EPS15L1: variants seen among roughly 807,000 people sequenced by gnomAD.
EPS15L1 encodes the protein epidermal growth factor receptor pathway substrate 15 like 1.
EPS15L1 carries 43 observed loss-of-function variants against 117.1 expected under a neutral mutation model. The observed-to-expected ratio is 0.37, with a 90% CI of 0.29 to 0.47. The LOEUF (loss-of-function observed/expected upper bound fraction) is 0.47, where lower values mean the gene tolerates loss of function less well. Among genes scored for constraint, EPS15L1 ranks in the 20% least tolerant of loss-of-function variants. EPS15L1 has a pLI of 0.99. For missense variants in EPS15L1, 981 were observed against 1,164.0 expected (o/e 0.84, Z 2.29); for synonymous variants, 459 against 470.5 (o/e 0.98, Z 0.32).
chr19:16,430,063 A>C (rs1244003703), intron 7 of EPS15L1, among the ~76,000 whole-genome samples: 1 of 152,186 alleles, frequency 6.6e-6, no homozygotes, highest in East Asian at 1.9e-4. Context: ...CTGTGGCCCT[A>C]ACTGGCATGC....
At chr19:16,443,029 C>G (rs751896412) in intron 1 of EPS15L1, among the ~76,000 whole-genome samples, 7 of 152,182 alleles carry the variant, frequency 4.6e-5, no homozygotes, top group Non-Finnish European at 1.0e-4. Context: ...GTGTGCCAAC[C>G]TGGTGGGGAA....
At chr19:16,422,521 A>G (rs1240947153) in intron 9 of EPS15L1, among the ~76,000 whole-genome samples, 1 of 152,158 alleles carries the variant, frequency 6.6e-6, no homozygotes, top group East Asian at 1.9e-4. Flanking sequence ...GTGGAGAGAA[A>G]AAGGACAGGC....
chr19:16,390,092 A>T (rs914032953), intron 19 of EPS15L1, among the ~76,000 whole-genome samples: 9 of 148,566 alleles, frequency 6.1e-5, no homozygotes, highest in East Asian at 2.0e-4. Context: ...ACTGGATTTT[A>T]AAAAAAAAAG....
chr19:16,405,762 T>G lies in EPS15L1; in HGVS notation c.1267-1013A>C, dbSNP rs1235562242. ...TTTCTGGAAGGCCCCCTCCAGGAGC[T>G]CATGAACAGCACCTCCGGGGATGGG... On this transcript the variant is annotated intron_variant, in intron 13 of 23. Transcript: ENST00000455140. The surrounding 1 kb of genome is among the most constrained non-coding windows in gnomAD (Gnocchi z 4.0). Among the ~76,000 whole-genome samples, 1 of 152,182 alleles carries G rather than the reference T, an allele frequency of 6.6e-6. No homozygotes were observed. Among genetic ancestry groups the G allele is most frequent in the East Asian group, 1.9e-4 (1 of 5,186 alleles).
intron 22 of EPS15L1, among the ~76,000 whole-genome samples, chr19:16,366,763 C>T (rs2092138873): frequency 6.6e-6 from 1 of 152,200 alleles, no homozygotes; most frequent in African/African-American, 2.4e-5. Context: ...TTGCTAATGA[C>T]CAGACGCTTT....
In EPS15L1 at chr19:16,434,763, T is replaced by C. The variant is rs945372129; in HGVS notation, c.373-273A>G. On this transcript the variant is annotated intron_variant, in intron 6 of 23. Transcript: ENST00000455140. ...GGGTCTTGTCCTTCGTCCTAGCTGC[T>C]GCCTGAGTGTGGCAGGAGTCTCCCA... 5 of 323,770 alleles carry C rather than the reference T, an allele frequency of 1.5e-5. No individual in the cohort carries two copies. The Admixed American group carries it at 2.3e-4, about 15-fold the overall frequency. 20.1% of individuals were successfully genotyped at this position (323,770 alleles called of 1,614,324 possible).
At position 16,365,144 on chromosome 19, in the gene EPS15L1, G is replaced by A. The variant is rs2092115834; in HGVS notation, c.2381-3160C>T. ...TGGCAGCCCCTTCCCCATCATGCCT[G>A]TGTTCAGCTCTGCAGCCAAGCCCTG... is the stretch of plus-strand genomic sequence containing the variant. On this transcript the variant is annotated intron_variant, in intron 22 of 23. Coordinates refer to ENST00000455140, the MANE Select transcript of EPS15L1 (RefSeq NM_001258374.3). The surrounding 1 kb of genome is among the most constrained non-coding windows in gnomAD (Gnocchi z 4.9). Among the ~76,000 whole-genome samples the A allele has an allele frequency of 6.6e-6, 1 of 152,218 alleles. No individual in the cohort carries two copies. Among genetic ancestry groups the A allele is most frequent in the Non-Finnish European group, 1.5e-5 (1 of 68,046 alleles).
chr19:16,437,941 G>C, intron 4 of EPS15L1, 76 bp from the exon 5 acceptor site: 1 of 1,128,098 alleles, frequency 8.9e-7, no homozygotes, highest in African/African-American at 1.5e-5. Flanking sequence ...CTAACAGCAG[G>C]CTTCAGGGAA....
Position 16,452,233 on chromosome 19 carries a change from G to T in EPS15L1, c.34-10014C>A, listed in dbSNP as rs1289062639. Among the ~76,000 whole-genome samples the T allele has an allele frequency of 2.0e-5, 3 of 151,646 alleles. No individual in the cohort carries two copies. The East Asian group carries it at 5.9e-4, about 30-fold the overall frequency. ...GGCTGAGGTGGGTAGATCACCTGAG[G>T]TCAGGAGTTCTAAACCAGCCTGGCC... is the stretch of plus-strand genomic sequence containing the variant. On this transcript the variant is annotated intron_variant, in intron 1 of 23. Coordinates refer to ENST00000455140, the MANE Select transcript of EPS15L1 (RefSeq NM_001258374.3).
At chr19:16,465,221 C>T (rs982228313) in intron 1 of EPS15L1, among the ~76,000 whole-genome samples, 3 of 152,192 alleles carry the variant, frequency 2.0e-5, no homozygotes, top group Non-Finnish European at 2.9e-5. Context: ...CACGCCCTCT[C>T]CTCCATACAA....
intron 3 of EPS15L1, chr19:16,441,469 CA>C (rs200223983): frequency 1.3e-3 from 209 of 157,892 alleles, no homozygotes; most frequent in South Asian, 4.3e-3. Context: ...GAGACTGTCT[CA>C]AAAAAAAAAT....
chr19:16,375,450 T>C lies in EPS15L1; in HGVS notation c.2380+1672A>G, dbSNP rs148679556. On this transcript the variant is annotated intron_variant, in intron 22 of 23. Transcript: ENST00000455140. ...CATGTGTGCCAGCTGTGTGCATGCATTGTGATTATGCATATATGTGTGTGT... is the reference window on the plus strand; with the variant it reads ...CATGTGTGCCAGCTGTGTGCATGCACTGTGATTATGCATATATGTGTGTGT... 2.5e-4 allele frequency among the ~76,000 whole-genome samples: 36 copies of C among 146,340 alleles called. No homozygotes were observed. In the East Asian group the frequency reaches 3.6e-3, roughly 15 times the overall value.
intron 1 of EPS15L1, among the ~76,000 whole-genome samples, chr19:16,463,586 A>T (rs1390709475): frequency 6.6e-6 from 1 of 151,696 alleles, no homozygotes; most frequent in Non-Finnish European, 1.5e-5. Context: ...GGCCCATGCT[A>T]CTCTTCCCTC....
intron 1 of EPS15L1, 46 bp from the exon 2 acceptor site, chr19:16,442,265 T>G: frequency 6.4e-7 from 1 of 1,569,962 alleles, no homozygotes; most frequent in East Asian, 2.2e-5. Flanking sequence ...ACACAACCCC[T>G]TGGGGAAAAA....
intron 15 of EPS15L1, 104 bp downstream of exon 15, chr19:16,403,629 C>T (rs1373499880): frequency 1.4e-5 from 16 of 1,109,714 alleles, no homozygotes; most frequent in Middle Eastern, 2.6e-4. Context: ...GAGACCCTCA[C>T]GTAAGTAACA....
rs1459277177 is a variant in EPS15L1 at position 16,402,301 on chromosome 19, TAC to T, written c.1791+18_1791+19del. The stretch of plus-strand genomic sequence containing the variant: ...AGGGGACCAGAGCCCCATACTGTAA[TAC>T]GTTTATTCAACCTTTACCATGGCTC... On this transcript the variant is annotated intron_variant, in intron 16 of 23. Transcript: ENST00000455140. 6.3e-7 allele frequency: 1 copy of T among 1,596,980 alleles called. No individual in the cohort carries two copies. The highest frequency in any genetic ancestry group is 1.3e-5 in the African/African-American group (1 of 74,374).
At chr19:16,360,157 AT>A in intron 23 of EPS15L1, among the ~76,000 whole-genome samples, 1 of 151,636 alleles carries the variant, frequency 6.6e-6, no homozygotes, top group Non-Finnish European at 1.5e-5. Flanking sequence ...GAGAACAGTC[AT>A]TTCTTCAAGC....
intron 1 of EPS15L1, among the ~76,000 whole-genome samples, chr19:16,455,571 T>C (rs1182179675): frequency 6.6e-6 from 1 of 152,232 alleles, no homozygotes; most frequent in Non-Finnish European, 1.5e-5. Context: ...CTATGGGCTG[T>C]GTTCTCCCAT....
At chr19:16,428,610 G>T (rs892250091) in intron 8 of EPS15L1, 92 bp downstream of exon 8, 20 of 828,360 alleles carry the variant, frequency 2.4e-5, no homozygotes, top group Non-Finnish European at 3.6e-5. Context: ...AAAAAGAAAA[G>T]AAAAAAGAGA....
Sources: gnomAD v4.1 joint callset for allele counts (sites outside exome capture counted in the v4.1 genomes callset) on GRCh38, gnomAD v4.1.1 for gene constraint, Gnocchi (gnomAD v3.1) non-coding constraint, MANE v1.5 for transcripts, NCBI Gene and HGNC (gene_info 2026-07-23, HGNC 2026-07-21) for gene names.